Variants in NUDT10 observed in about 807,000 individuals in gnomAD.
NUDT10 encodes the protein diphosphoinositol polyphosphate phosphohydrolase 3-alpha.
In NUDT10, 2 loss-of-function variants were observed where a neutral mutation model predicts 10.5. That is an observed-to-expected ratio of 0.19 (90% confidence interval 0.08 to 0.60). NUDT10 has a LOEUF of 0.60. NUDT10 is among the 20% of genes least tolerant of loss of function. NUDT10 has a pLI of 0.89. For synonymous variants in NUDT10, 53 were observed against 71.8 expected (o/e 0.74, Z 1.32); for missense variants, 75 against 149.5 (o/e 0.50, Z 2.60).
chrX:51,333,489 C>T (rs1163236017), intron 1 of NUDT10, 30 bp downstream of exon 1: 1 of 1,202,158 alleles, frequency 8.3e-7, no homozygotes, highest in South Asian at 1.8e-5. Context: ...GCACAGACTT[C>T]TGTTTGTCTG....
intron 1 of NUDT10, among the ~76,000 whole-genome samples, chrX:51,335,242 C>T (rs192568828): frequency 3.0e-5 from 3 of 99,179 alleles, no homozygotes; most frequent in Non-Finnish European, 4.0e-5. Flanking sequence ...CGCTTGATCC[C>T]GGGAGGCGGA....
In NUDT10 at chrX:51,332,841, C is replaced by G. The variant is rs1293186206; in HGVS notation, c.-125C>G. The G allele has an allele frequency of 1.4e-5, 14 of 1,015,159 alleles. No homozygotes were observed. The highest frequency in any genetic ancestry group is 1.7e-5 in the Non-Finnish European group (13 of 769,291). 83.7% of individuals were successfully genotyped at this position (1,015,159 alleles called of 1,213,427 possible). ...GGGGGCAGACGGCAGACGGAGGCGC[C>G]TCTCTCTCCCCGCCCCTCTCCTCGG... is the stretch of plus-strand genomic sequence containing the variant. On this transcript the variant is annotated 5_prime_UTR_variant, in exon 1 of 2. Coordinates refer to ENST00000356450, the MANE Select transcript of NUDT10 (RefSeq NM_001304963.2).
At chrX:51,332,565 C>G (rs1438725592), upstream of NUDT10, among the ~76,000 whole-genome samples, 2 of 113,194 alleles carry the variant, frequency 1.8e-5, no homozygotes, top group African/African-American at 6.4e-5. Flanking sequence ...CCTCAGCCCA[C>G]GCCCTCCCCT....
upstream of NUDT10, among the ~76,000 whole-genome samples, chrX:51,332,667 G>A (rs1391134145): frequency 4.4e-5 from 5 of 112,792 alleles, no homozygotes; most frequent in East Asian, 1.1e-3. Context: ...TCGCGGGCTC[G>A]CGGGCAGCAG....
At chrX:51,332,337 A>T (rs1922675153), upstream of NUDT10, 2 of 112,517 alleles carry the variant, frequency 1.8e-5, no homozygotes, top group East Asian at 5.6e-4. Flanking sequence ...CGCAGTGGGG[A>T]GTGAGAGGAG....
chrX:51,333,554 T>G, intron 1 of NUDT10, 95 bp downstream of exon 1: 1 of 1,089,441 alleles, frequency 9.2e-7, no homozygotes. Flanking sequence ...TGCGGTCTCA[T>G]GGGCAGGAGG....
chrX:51,336,164 T>G, intron 1 of NUDT10, 75 bp from the exon 2 acceptor site: 2 of 524,198 alleles, frequency 3.8e-6, no homozygotes, highest in Non-Finnish European at 6.9e-6. Flanking sequence ...CCATAGTAGG[T>G]GCTCAATAAG....
In NUDT10 at chrX:51,337,399, T is replaced by C. The variant is rs1288350214; in HGVS notation, c.*1160T>C. 8.0e-5 allele frequency: 9 copies of C among 111,955 alleles called. No individual in the cohort carries two copies. The highest frequency in any genetic ancestry group is 3.8e-5 in the Non-Finnish European group (2 of 53,239). The allele number at this position is 111,955 out of a possible 1,213,427, so 9.2% of individuals were successfully genotyped here. Reference sequence around the variant, plus strand: ...CTGGATGTTAAGTGCATTGGAAATATTGATGAAACGAAATTGGCCTTGATA... The same window carrying C: ...CTGGATGTTAAGTGCATTGGAAATACTGATGAAACGAAATTGGCCTTGATA... On this transcript the variant is annotated 3_prime_UTR_variant, in exon 2 of 2. Transcript: ENST00000356450.
In NUDT10 at chrX:51,333,404, G is replaced by A. The variant is rs1330933955; in HGVS notation, c.439G>A (p.Gly147Ser). 2 of 1,206,866 alleles carry A rather than the reference G, an allele frequency of 1.7e-6. No individual in the cohort carries two copies. The highest frequency in any genetic ancestry group is 3.0e-5 in the East Asian group (1 of 33,685). Reference protein sequence around the residue: ...AEYLEKLKLGGSPTNGNSMAP... With the variant: ...AEYLEKLKLGSSPTNGNSMAP... ...ATATCTGGAGAAACTAAAGCTGGGCGGTTCCCCAACCAATGGAAACTCCAT... is the reference window on the plus strand; with the variant it reads ...ATATCTGGAGAAACTAAAGCTGGGCAGTTCCCCAACCAATGGAAACTCCAT... Residue 147 changes from glycine (G) to serine (S), a missense_variant, in exon 1 of 2, where the codon GGT (glycine) becomes AGT (serine). Gly to Ser is a moderately conservative substitution (Grantham distance 56). Transcript: ENST00000356450.
upstream of NUDT10, chrX:51,332,798 C>A (rs1233686989): frequency 9.9e-6 from 8 of 804,407 alleles, no homozygotes. Flanking sequence ...TTCATCTCTC[C>A]CTCCGCTCCC....
In NUDT10 at chrX:51,333,058, C is replaced by T. The variant is rs1483671747; in HGVS notation, c.93C>T (p.Asp31=). The change falls in exon 1 of 2, where the codon GAC becomes GAT. Residue 31 remains aspartate, a synonymous_variant. Transcript: ENST00000356450. The part of the protein sequence containing the change: ...ACLCFRSERE[D]EVLLVSSSRY... ...TGTGCTTCCGGAGCGAGCGCGAGGA[C>T]GAGGTCCTGTTAGTGAGTAGCAGCC... 8.3e-7 allele frequency: 1 copy of T among 1,210,543 alleles called. No individual in the cohort carries two copies. The highest frequency in any genetic ancestry group is 1.1e-6 in the Non-Finnish European group (1 of 895,003).
chrX:51,332,468 G>A (rs1429111542), upstream of NUDT10: 1 of 118,590 alleles, frequency 8.4e-6, no homozygotes, highest in African/African-American at 3.2e-5. Flanking sequence ...CCAGGAGTGC[G>A]AAGCGCCTGC....
intron 1 of NUDT10, among the ~76,000 whole-genome samples, chrX:51,334,988 C>T (rs1922798176): frequency 9.1e-6 from 1 of 110,112 alleles, no homozygotes; most frequent in African/African-American, 3.3e-5. Flanking sequence ...TCTCCCATGA[C>T]AGTTGAGGAA....
At chrX:51,332,802 C>T (rs782677400), upstream of NUDT10, 2 of 834,777 alleles carry the variant, frequency 2.4e-6, no homozygotes, top group East Asian at 7.1e-5. Context: ...TCTCTCCCTC[C>T]GCTCCCCGGG....
rs541045815 is a variant in NUDT10, at chrX:51,334,247, C to T, written c.494+788C>T. Among the ~76,000 whole-genome samples the T allele has an allele frequency of 4.2e-4, 47 of 112,136 alleles. No homozygotes were observed. The South Asian group carries it at 0.017, about 41-fold the overall frequency. ...CTATTTCCCATGTAGATTAACCTTA[C>T]TGAATAGATGCTGCTGGGGATCTGC... On this transcript the variant is annotated intron_variant, in intron 1 of 1. Coordinates refer to ENST00000356450, the MANE Select transcript of NUDT10 (RefSeq NM_001304963.2).
At position 51,333,262 on chromosome X, in the gene NUDT10, T is replaced by C; in HGVS notation, c.297T>C (p.Thr99=). ...PKHRTYVYVL[T]VTELLEDWED... ...ACAGAACGTACGTGTATGTACTGAC[T>C]GTCACGGAGCTGCTGGAGGATTGGG... The change falls in exon 1 of 2, where the codon ACT becomes ACC. Residue 99 remains threonine, a synonymous_variant. Transcript: ENST00000356450. 8.3e-7 allele frequency: 1 copy of C among 1,211,356 alleles called. No individual in the cohort carries two copies.
chrX:51,332,864 C>G lies in NUDT10; in HGVS notation c.-102C>G. 1 of 1,093,561 alleles carries G rather than the reference C, an allele frequency of 9.1e-7. No individual in the cohort carries two copies. Among genetic ancestry groups the G allele is most frequent in the South Asian group, 2.3e-5 (1 of 44,141 alleles). 90.1% of individuals were successfully genotyped at this position (1,093,561 alleles called of 1,213,427 possible). A position where few individuals can be genotyped will look rare whatever the true frequency, so the allele number is the denominator to read the frequency against. On this transcript the variant is annotated 5_prime_UTR_variant, in exon 1 of 2. Coordinates refer to ENST00000356450, the MANE Select transcript of NUDT10 (RefSeq NM_001304963.2). ...GCCTCTCTCTCCCCGCCCCTCTCCTCGGCCCTTTCTCTTCCCAGCACCTCG... is the reference window on the plus strand; with the variant it reads ...GCCTCTCTCTCCCCGCCCCTCTCCTGGGCCCTTTCTCTTCCCAGCACCTCG...
At position 51,336,870 on chromosome X, in the gene NUDT10, C is replaced by A. The variant is rs1173151266; in HGVS notation, c.*631C>A. ...TCAGGAGGCTGAGGCAGAAGAATAG[C>A]TTGAGCCCAGGAGCTTTAGTCTAGC... On this transcript the variant is annotated 3_prime_UTR_variant, in exon 2 of 2. Transcript: ENST00000356450. 1 of 112,355 alleles carries A rather than the reference C, an allele frequency of 8.9e-6. No homozygotes were observed. Among genetic ancestry groups the A allele is most frequent in the Non-Finnish European group, 1.9e-5 (1 of 53,304 alleles). The allele number at this position is 112,355 out of a possible 1,213,427, so 9.3% of individuals were successfully genotyped here.
chrX:51,332,587 C>A (rs782736830), upstream of NUDT10, among the ~76,000 whole-genome samples: 1 of 113,153 alleles, frequency 8.8e-6, no homozygotes, highest in African/African-American at 3.2e-5. Context: ...CGAACGCGCA[C>A]GTGAACGGGA....
Sources: allele counts gnomAD v4.1 joint callset (sites outside exome capture counted in the v4.1 genomes callset), GRCh38; gene constraint gnomAD v4.1.1; transcripts MANE v1.5; gene names NCBI Gene and HGNC (gene_info 2026-07-23, HGNC 2026-07-21).